Variants in SLC38A9 observed in about 807,000 individuals in gnomAD.
SLC38A9 encodes the protein solute carrier family 38 member 9.
A neutral mutation model predicts 62.3 loss-of-function variants in SLC38A9; 48 were observed. The ratio of observed to expected loss-of-function variants is 0.77; its 90% CI spans 0.61 to 0.98. The LOEUF (loss-of-function observed/expected upper bound fraction) is 0.98, where lower values mean the gene tolerates loss of function less well. Ranked by LOEUF, SLC38A9 falls within the 50% of genes least tolerant of loss-of-function variation. The pLI, the probability that SLC38A9 is intolerant of heterozygous loss-of-function variation, is 0.00. For synonymous variants in SLC38A9, 204 were observed against 227.7 expected (o/e 0.90, Z 0.94); for missense variants, 541 against 679.8 (o/e 0.80, Z 2.27).
At chr5:55,652,793 A>T (rs1463510573) in intron 9 of SLC38A9, 70 bp from the exon 10 acceptor site, 1 of 1,319,106 alleles carries the variant, frequency 7.6e-7, no homozygotes. Flanking sequence ...AAAACAGAAA[A>T]TGACTGCCTC....
intron 3 of SLC38A9, among the ~76,000 whole-genome samples, chr5:55,690,255 G>A (rs538334231): frequency 1.3e-5 from 2 of 152,198 alleles, no homozygotes; most frequent in South Asian, 4.2e-4. Context: ...GCCTCCCAAA[G>A]TGCTGGGATT....
intron 3 of SLC38A9, among the ~76,000 whole-genome samples, chr5:55,687,426 CAAAAAAAAAAAAAAAA>C (rs34476189): frequency 2.6e-5 from 2 of 76,418 alleles, no homozygotes; most frequent in East Asian, 8.9e-4. Context: ...GACTCCGTCT[CAAAAAAAAAAAAAAAA>C]AAAAAAAAAG....
intron 4 of SLC38A9, among the ~76,000 whole-genome samples, chr5:55,670,910 C>T (rs556116887): frequency 1.7e-3 from 262 of 152,260 alleles, no homozygotes; most frequent in Non-Finnish European, 1.7e-3. Context: ...AAAAATTATC[C>T]TACCCAGAAC....
intron 2 of SLC38A9, among the ~76,000 whole-genome samples, chr5:55,709,903 A>G (rs1757774384): frequency 6.6e-6 from 1 of 151,384 alleles, no homozygotes; most frequent in African/African-American, 2.4e-5. Flanking sequence ...CATCTCTACC[A>G]AAACACACAC....
At chr5:55,668,729 T>A (rs568992770) in intron 7 of SLC38A9, among the ~76,000 whole-genome samples, 6 of 152,312 alleles carry the variant, frequency 3.9e-5, no homozygotes, top group African/African-American at 1.4e-4. Context: ...AAAAAAGATA[T>A]TTCCCTGATC....
intron 12 of SLC38A9, among the ~76,000 whole-genome samples, chr5:55,637,983 T>TA (rs202140774): frequency 0.19 from 28,382 of 150,194 alleles, 2,705 homozygotes; most frequent in Middle Eastern, 0.23. Context: ...ACAATAATAA[T>TA]AAAAAAAAAG....
chr5:55,653,778 C>A (rs1029036205), intron 9 of SLC38A9, among the ~76,000 whole-genome samples: 1 of 152,092 alleles, frequency 6.6e-6, no homozygotes, highest in African/African-American at 2.4e-5. Context: ...CCTACCTCAG[C>A]CTCCTGAGTA....
intron 3 of SLC38A9, among the ~76,000 whole-genome samples, chr5:55,689,326 A>G (rs76857320): frequency 0.011 from 1,606 of 152,336 alleles, 25 homozygotes; most frequent in African/African-American, 0.037. Flanking sequence ...AAAAAGTATC[A>G]GGCAAGCCAA....
intron 8 of SLC38A9, among the ~76,000 whole-genome samples, chr5:55,659,399 T>TG (rs59930271): frequency 6.8e-6 from 1 of 147,848 alleles, no homozygotes; most frequent in African/African-American, 2.5e-5. Flanking sequence ...TATTTTATTT[T>TG]GATTTGAGAT....
At chr5:55,660,939 C>T (rs1323306283) in intron 8 of SLC38A9, among the ~76,000 whole-genome samples, 1 of 94,040 alleles carries the variant, frequency 1.1e-5, no homozygotes, top group Admixed American at 1.0e-4. Context: ...AGAAATTATA[C>T]TATTCTGTTT....
At chr5:55,687,625 T>C (rs932576765) in intron 3 of SLC38A9, among the ~76,000 whole-genome samples, 1 of 152,136 alleles carries the variant, frequency 6.6e-6, no homozygotes, top group Non-Finnish European at 1.5e-5. Context: ...AGCAGCAGTT[T>C]GTAGTTCTCC....
chr5:55,630,060 A>T (rs10056358), intron 14 of SLC38A9, among the ~76,000 whole-genome samples: 137,907 of 152,258 alleles, frequency 0.91, 62,562 homozygotes, highest in African/African-American at 0.95. Context: ...AGATTCCACG[A>T]TGCAACTCAT....
rs544598303 is a variant in SLC38A9, at chr5:55,649,172, A to G, written c.1060+35T>C. On this transcript the variant is annotated intron_variant, in intron 11 of 15. Coordinates refer to ENST00000396865, the MANE Select transcript of SLC38A9 (RefSeq NM_173514.4). ...AGCATATGACAATGGTTAAGATCAC[A>G]TTATTATAATTTATTATTTTGCCAA... is the stretch of plus-strand genomic sequence containing the variant. 12 of 1,223,928 alleles carry G rather than the reference A, an allele frequency of 9.8e-6. No homozygotes were observed. In the African/African-American group the frequency reaches 1.8e-4, roughly 19 times the overall value. The allele number at this position is 1,223,928 out of a possible 1,614,324, so 75.8% of individuals were successfully genotyped here.
Position 55,633,913 on chromosome 5 carries a change from A to G in SLC38A9, c.1282-11T>C, listed in dbSNP as rs747098586. ...GTTGTCTAAAAAATTCTAATCCAAG[A>G]AAGATAATGAGGTCATGTTAAAAAT... On this transcript the variant is annotated splice_polypyrimidine_tract_variant and intron_variant, in intron 13 of 15. Transcript: ENST00000396865. The G allele has an allele frequency of 1.9e-6, 3 of 1,589,150 alleles. No individual in the cohort carries two copies. The highest frequency in any genetic ancestry group is 2.6e-6 in the Non-Finnish European group (3 of 1,163,840).
At position 55,696,941 on chromosome 5, in the gene SLC38A9, C is replaced by T. The variant is rs1481819252; in HGVS notation, c.113+905G>A. 11 of 153,554 alleles carry T rather than the reference C, an allele frequency of 7.2e-5. No homozygotes were observed. In the East Asian group the frequency reaches 9.6e-4, roughly 13 times the overall value. The allele number at this position is 153,554 out of a possible 1,614,324, so 9.5% of individuals were successfully genotyped here. ...CCCAGACGAGGCGGCGGGGCAGAGGCGCTCCCCACATCCCAGACGATGGGC... is the reference window on the plus strand; with the variant it reads ...CCCAGACGAGGCGGCGGGGCAGAGGTGCTCCCCACATCCCAGACGATGGGC... On this transcript the variant is annotated intron_variant, in intron 3 of 15. Coordinates refer to ENST00000396865, the MANE Select transcript of SLC38A9 (RefSeq NM_173514.4).
intron 3 of SLC38A9, among the ~76,000 whole-genome samples, chr5:55,676,587 T>C (rs192395326): frequency 2.2e-4 from 34 of 152,338 alleles, no homozygotes; most frequent in African/African-American, 7.7e-4. Context: ...CAAAATTTAG[T>C]AGAGAGACTC....
chr5:55,683,625 A>G (rs13174595), intron 3 of SLC38A9, among the ~76,000 whole-genome samples: 91,186 of 152,038 alleles, frequency 0.6, 27,926 homozygotes, highest in South Asian at 0.7. Context: ...ATTTGCTTTC[A>G]AACTTCTCAT....
chr5:55,697,631 C>A (rs1133738), intron 3 of SLC38A9, among the ~76,000 whole-genome samples: 88,490 of 146,804 alleles, frequency 0.6, 27,238 homozygotes, highest in South Asian at 0.7. Context: ...AACCACTCCC[C>A]CAACAGAGAT....
intron 2 of SLC38A9, among the ~76,000 whole-genome samples, chr5:55,707,420 T>G (rs978008509): frequency 3.3e-5 from 5 of 152,100 alleles, no homozygotes; most frequent in Non-Finnish European, 5.9e-5. Flanking sequence ...TAAACAGACA[T>G]ATTCCAGCCT....
Sources: gnomAD v4.1 joint callset for allele counts (sites outside exome capture counted in the v4.1 genomes callset) on GRCh38, gnomAD v4.1.1 for gene constraint, MANE v1.5 for transcripts, NCBI Gene and HGNC (gene_info 2026-07-23, HGNC 2026-07-21) for gene names.